Variants in RNF150 observed in about 807,000 individuals in gnomAD.
RNF150 encodes the protein ring finger protein 150.
Under a neutral mutation model 39.3 loss-of-function variants are expected in RNF150, and 24 were observed. The observed-to-expected ratio is 0.61, with a 90% CI of 0.44 to 0.86. The LOEUF (loss-of-function observed/expected upper bound fraction) is 0.86, where lower values mean the gene tolerates loss of function less well. RNF150 is among the 40% of genes least tolerant of loss of function. The pLI, the probability that RNF150 is intolerant of heterozygous loss-of-function variation, is 0.00. For synonymous variants in RNF150, 255 were observed against 227.3 expected (o/e 1.12, Z -1.10); for missense variants, 502 against 587.8 (o/e 0.85, Z 1.51).
At chr4:140,947,345 G>C (rs1160868038) in intron 4 of RNF150, among the ~76,000 whole-genome samples, 1 of 152,104 alleles carries the variant, frequency 6.6e-6, no homozygotes, top group Non-Finnish European at 1.5e-5. Context: ...TCATAGATCT[G>C]TTGTTCAAGA....
In RNF150 at chr4:141,164,355, A is replaced by G. The variant is rs1037125761; in HGVS notation, c.-6+48439T>C. ...TGGTATATGGAAAGTGACAGTCAGA[A>G]TAGAACCAAATTAGAAAACACTCAT... On this transcript the variant is annotated intron_variant, in intron 1 of 7. Coordinates refer to the RNF150 transcript ENST00000420921. 2.0e-5 allele frequency among the ~76,000 whole-genome samples: 3 copies of G among 152,030 alleles called. No homozygotes were observed. The South Asian group carries it at 6.2e-4, about 32-fold the overall frequency.
intron 1 of RNF150, among the ~76,000 whole-genome samples, chr4:141,123,633 T>C (rs1211926777): frequency 6.6e-6 from 1 of 152,192 alleles, no homozygotes; most frequent in African/African-American, 2.4e-5. Flanking sequence ...ACATGTGCCA[T>C]GTTGGTGTGT....
intron 5 of RNF150, among the ~76,000 whole-genome samples, chr4:140,925,601 G>T (rs574916498): frequency 9.7e-4 from 147 of 152,220 alleles, no homozygotes; most frequent in Non-Finnish European, 1.9e-3. Context: ...GTGGCTTACG[G>T]ATCTTCCTGA....
At chr4:141,071,565 A>G (rs1016276089) in intron 1 of RNF150, among the ~76,000 whole-genome samples, 2 of 152,096 alleles carry the variant, frequency 1.3e-5, no homozygotes, top group African/African-American at 4.8e-5. Context: ...AACGTGAAAC[A>G]TTTTGGCCTG....
rs980320257 is a variant in RNF150, at chr4:140,927,960, T to C, written c.891-1887A>G. 2.6e-5 allele frequency among the ~76,000 whole-genome samples: 4 copies of C among 151,986 alleles called. 1 individual carries two copies. The highest frequency in any genetic ancestry group is 4.8e-5 in the African/African-American group (2 of 41,250). On this transcript the variant is annotated intron_variant, in intron 4 of 6. Transcript: ENST00000515673. ...CACTGGGCCTGGCCTAACTCTATTT[T>C]CTTTATAAATTACCCAGTCTCAGGT...
intron 1 of RNF150, among the ~76,000 whole-genome samples, chr4:141,156,953 G>T (rs773012413): frequency 5.3e-5 from 8 of 152,086 alleles, no homozygotes; most frequent in Non-Finnish European, 1.0e-4. Context: ...ATCAATTAAG[G>T]TCCAGGCATT....
chr4:141,165,454 G>A (rs1727584197), intron 1 of RNF150, among the ~76,000 whole-genome samples: 1 of 152,124 alleles, frequency 6.6e-6, no homozygotes, highest in African/African-American at 2.4e-5. Context: ...AGACCTAATA[G>A]ACATCTACAG....
chr4:140,950,960 A>G (rs73857143), intron 2 of RNF150, among the ~76,000 whole-genome samples: 2,681 of 152,286 alleles, frequency 0.018, 82 homozygotes, highest in African/African-American at 0.059. Context: ...CAAAAATAGG[A>G]AGAGTCTTTA....
chr4:141,111,619 G>T (rs1739386209), intron 1 of RNF150, among the ~76,000 whole-genome samples: 1 of 152,034 alleles, frequency 6.6e-6, no homozygotes, highest in African/African-American at 2.4e-5. Flanking sequence ...CGCAACAAAA[G>T]GGAACACTAA....
intron 1 of RNF150, among the ~76,000 whole-genome samples, chr4:141,074,440 C>T (rs1415418868): frequency 6.6e-6 from 1 of 151,794 alleles, no homozygotes; most frequent in Non-Finnish European, 1.5e-5. Flanking sequence ...ATAGAAACCA[C>T]AATAATACTT....
chr4:140,911,932 T>G (rs924535900), intron 5 of RNF150, among the ~76,000 whole-genome samples: 1 of 151,958 alleles, frequency 6.6e-6, no homozygotes, highest in Non-Finnish European at 1.5e-5. Context: ...TAGAAAAATA[T>G]CCCTAAGTCC....
At chr4:141,112,529 T>C (rs1560745051) in intron 1 of RNF150, among the ~76,000 whole-genome samples, 1 of 152,176 alleles carries the variant, frequency 6.6e-6, no homozygotes, top group Non-Finnish European at 1.5e-5. Flanking sequence ...AAAATTCTTT[T>C]CTTTAAGCAT....
intron 4 of RNF150, among the ~76,000 whole-genome samples, chr4:140,939,597 AAGT>A (rs1731996890): frequency 6.8e-6 from 1 of 147,892 alleles, no homozygotes; most frequent in Admixed American, 6.8e-5. Context: ...GCTGATCCTC[AAGT>A]GGAGTTTGTG....
At chr4:141,034,100 G>C (rs1178444356) in intron 1 of RNF150, among the ~76,000 whole-genome samples, 2 of 152,174 alleles carry the variant, frequency 1.3e-5, no homozygotes, top group Middle Eastern at 6.8e-3. Context: ...CCAGTGTAAG[G>C]GTGTTTCATC....
chr4:141,090,929 T>C (rs1334224955), intron 1 of RNF150, among the ~76,000 whole-genome samples: 2 of 152,206 alleles, frequency 1.3e-5, no homozygotes, highest in Non-Finnish European at 2.9e-5. Context: ...TAAGAAGCCA[T>C]AGGAGGTCTG....
chr4:140,964,143 C>T (rs1733146343), intron 2 of RNF150, among the ~76,000 whole-genome samples: 1 of 152,026 alleles, frequency 6.6e-6, no homozygotes, highest in Non-Finnish European at 1.5e-5. Context: ...TGACTGTAAG[C>T]ATTATTAATA....
intron 1 of RNF150, among the ~76,000 whole-genome samples, chr4:141,025,921 T>C (rs1204430641): frequency 1.3e-5 from 2 of 152,170 alleles, no homozygotes; most frequent in Non-Finnish European, 2.9e-5. Flanking sequence ...GTAGGGCCTT[T>C]CAACAATGAT....
At chr4:141,005,566 C>T (rs980993269) in intron 1 of RNF150, among the ~76,000 whole-genome samples, 1 of 152,060 alleles carries the variant, frequency 6.6e-6, no homozygotes, top group Non-Finnish European at 1.5e-5. Flanking sequence ...AGTAAGCTTC[C>T]TTAAGGTGGT....
At chr4:141,120,979 A>C (rs1726587104) in intron 1 of RNF150, among the ~76,000 whole-genome samples, 1 of 92,474 alleles carries the variant, frequency 1.1e-5, no homozygotes, top group Admixed American at 1.4e-4. Flanking sequence ...GCAAGAGCTC[A>C]TGATAGCTTG....
Sources: allele counts gnomAD v4.1 joint callset (sites outside exome capture counted in the v4.1 genomes callset), GRCh38; gene constraint gnomAD v4.1.1; transcripts MANE v1.5; gene names NCBI Gene and HGNC (gene_info 2026-07-23, HGNC 2026-07-21).